Variants in CENPI observed in about 807,000 individuals in gnomAD.
The protein encoded by CENPI is centromere protein I, also known as FSH primary response 1.
CENPI carries 4 observed loss-of-function variants against 60.4 expected under a neutral mutation model. The ratio of observed to expected loss-of-function variants is 0.07; its 90% confidence interval spans 0.03 to 0.15. CENPI has a LOEUF of 0.15. Among genes scored for constraint, CENPI ranks in the 10% least tolerant of loss-of-function variants. The pLI is 1.00. For synonymous variants in CENPI, 157 were observed against 189.4 expected, an observed-to-expected ratio of 0.83 and a Z score of 1.40; for missense variants, 444 against 534.5, an observed-to-expected ratio of 0.83 and a Z score of 1.67.
downstream of CENPI, among the ~76,000 whole-genome samples, chrX:101,167,532 T>C (rs1359922765): frequency 1.8e-5 from 2 of 111,946 alleles, no homozygotes; most frequent in Non-Finnish European, 1.9e-5. Context: ...ATCAGCTTCA[T>C]GGACTAGGTT....
At chrX:101,120,316 G>C (rs1041382780) in intron 6 of CENPI, 86 bp from the exon 7 acceptor site, 44 of 457,199 alleles carry the variant, frequency 9.6e-5, no homozygotes, top group Non-Finnish European at 1.6e-4. Context: ...CTTAATCAGC[G>C]TAAGATTGAC....
chrX:101,143,916 CA>C (rs2054510172), intron 16 of CENPI, among the ~76,000 whole-genome samples: 1 of 111,585 alleles, frequency 9.0e-6, no homozygotes, highest in African/African-American at 3.3e-5. Context: ...AGGTTTCCTT[CA>C]ATCTGTGTTG....
At chrX:101,102,496 T>TACACAC (rs35162075) in intron 4 of CENPI, 85 bp downstream of exon 4, 47 of 251,656 alleles carry the variant, frequency 1.9e-4, no homozygotes, top group Admixed American at 1.2e-3. Flanking sequence ...TATATATATA[T>TACACAC]ACACACACAC....
At chrX:101,140,343 AG>A (rs1328406974) in intron 15 of CENPI, among the ~76,000 whole-genome samples, 1 of 112,278 alleles carries the variant, frequency 8.9e-6, no homozygotes, top group African/African-American at 3.2e-5. Flanking sequence ...AAGTTCTCTG[AG>A]GGGGGATGAT....
rs986519858 is a variant in CENPI, at chrX:101,103,748, T to C, written c.364+1337T>C. Among the ~76,000 whole-genome samples the C allele has an allele frequency of 1.4e-4, 16 of 112,276 alleles. 1 individual carries two copies. Among genetic ancestry groups the C allele is most frequent in the African/African-American group, 5.2e-4 (16 of 30,977 alleles). ...TGTTAAGATTATAAAATGGGTTTTT[T>C]TGTGTGTGTGTTTGGGCCAAAAGTT... On this transcript the variant is annotated intron_variant, in intron 4 of 21. Transcript: ENST00000682095.
chrX:101,174,937 G>A, the CENPI span, among the ~76,000 whole-genome samples: 4 of 111,074 alleles, frequency 3.6e-5, no homozygotes, highest in Non-Finnish European at 5.7e-5. Flanking sequence ...GAGAAACCCC[G>A]TCTCTACTAA....
chrX:101,126,001 ATAAAT>A (rs1293798187), intron 8 of CENPI, among the ~76,000 whole-genome samples: 2 of 108,702 alleles, frequency 1.8e-5, no homozygotes, highest in Non-Finnish European at 3.8e-5. Flanking sequence ...TTTTGTTTTA[ATAAAT>A]TTAATTTCAA....
At chrX:101,169,592 G>A (rs778357886), downstream of CENPI, among the ~76,000 whole-genome samples, 1 of 112,037 alleles carries the variant, frequency 8.9e-6, no homozygotes, top group South Asian at 3.6e-4. Context: ...TGTATTTACT[G>A]TACTTTTTAT....
chrX:101,172,709 T>C, the CENPI span, among the ~76,000 whole-genome samples: 1 of 111,491 alleles, frequency 9.0e-6, no homozygotes, highest in African/African-American at 3.2e-5. Context: ...ACTATGTAAA[T>C]ATAAAAACCA....
At chrX:101,106,503 G>A (rs1315812335) in intron 4 of CENPI, among the ~76,000 whole-genome samples, 3 of 105,943 alleles carry the variant, frequency 2.8e-5, no homozygotes, top group Admixed American at 2.1e-4. Flanking sequence ...TGCAACCTCC[G>A]CCTCCCGGGT....
intron 4 of CENPI, among the ~76,000 whole-genome samples, chrX:101,109,086 T>TG (rs2089522591): frequency 1.1e-5 from 1 of 94,817 alleles, no homozygotes; most frequent in Admixed American, 1.2e-4. Context: ...TTTTTTTTTT[T>TG]TTTTTTTTTT....
In CENPI at chrX:101,126,746, A is replaced by G; in HGVS notation, c.725A>G (p.Tyr242Cys). The G allele has an allele frequency of 2.5e-6, 3 of 1,209,910 alleles. No individual in the cohort carries two copies. The highest frequency in any genetic ancestry group is 3.0e-5 in the East Asian group (1 of 33,802). Reference sequence around the variant, plus strand: ...CATCTCCAGGCTTTGTTGTCACTGTATAAGTTCTTTGCTCCTGCTCTGATT... The same window carrying G: ...CATCTCCAGGCTTTGTTGTCACTGTGTAAGTTCTTTGCTCCTGCTCTGATT... ...QPHLQALLSLYKFFAPALISV... is the reference protein window; with the variant it reads ...QPHLQALLSLCKFFAPALISV... The change falls in exon 9 of 22, where the codon TAT becomes TGT. Residue 242 changes from tyrosine to cysteine, a missense_variant. Transcript: ENST00000682095.
chrX:101,122,187 C>G (rs2089686831), intron 8 of CENPI, among the ~76,000 whole-genome samples: 1 of 111,713 alleles, frequency 9.0e-6, no homozygotes, highest in South Asian at 3.7e-4. Flanking sequence ...CCTTACAGCT[C>G]TCTGCATTGT....
At chrX:101,160,819 A>C (rs183560621) in intron 20 of CENPI, among the ~76,000 whole-genome samples, 46 of 112,187 alleles carry the variant, frequency 4.1e-4, no homozygotes, top group Middle Eastern at 4.6e-3. Context: ...ATCATTAAAC[A>C]AAGTATACAC....
Position 101,113,570 on chromosome X carries a change from A to G in CENPI, c.591+3572A>G, listed in dbSNP as rs752927543. On this transcript the variant is annotated intron_variant, in intron 6 of 21. Transcript: ENST00000682095. ...GGTGATCCGCCTGCCTCGGCCTCCCAAAGTGCTGGGATTAGAGGCATGAGC... is the reference window on the plus strand; with the variant it reads ...GGTGATCCGCCTGCCTCGGCCTCCCGAAGTGCTGGGATTAGAGGCATGAGC... Among the ~76,000 whole-genome samples the G allele has an allele frequency of 4.5e-5, 5 of 111,545 alleles. No individual in the cohort carries two copies. The South Asian group carries it at 1.9e-3, about 42-fold the overall frequency.
intron 20 of CENPI, among the ~76,000 whole-genome samples, chrX:101,151,691 G>A (rs761377804): frequency 9.2e-6 from 1 of 108,982 alleles, no homozygotes; most frequent in Non-Finnish European, 1.9e-5. Context: ...AAAATTAGCC[G>A]GGCGTGGTGG....
intron 4 of CENPI, 104 bp from the exon 5 acceptor site, chrX:101,109,369 C>T: frequency 1.6e-6 from 1 of 629,160 alleles, no homozygotes; most frequent in Non-Finnish European, 2.5e-6. Context: ...GCATGAGCTG[C>T]CGCGCCCAGC....
At chrX:101,172,670 A>T in the CENPI span, among the ~76,000 whole-genome samples, 3 of 111,507 alleles carry the variant, frequency 2.7e-5, no homozygotes, top group African/African-American at 9.8e-5. Flanking sequence ...CGGATAAGAG[A>T]TTTCTTTTTG....
At chrX:101,169,718 AGCTCCAT>A (rs1214237738), downstream of CENPI, among the ~76,000 whole-genome samples, 1 of 111,872 alleles carries the variant, frequency 8.9e-6, no homozygotes, top group Non-Finnish European at 1.9e-5. Flanking sequence ...CAGAGATGAC[AGCTCCAT>A]GCTTATTAGT....
Sources: allele counts gnomAD v4.1 joint callset (sites outside exome capture counted in the v4.1 genomes callset), GRCh38; gene constraint gnomAD v4.1.1; transcripts MANE v1.5; gene names NCBI Gene and HGNC (gene_info 2026-07-23, HGNC 2026-07-21).